SMPDL3B: variants seen among roughly 807,000 people sequenced by gnomAD.
SMPDL3B encodes sphingomyelin phosphodiesterase acid like 3B.
In SMPDL3B, 31 loss-of-function variants were observed where a neutral mutation model predicts 37.9. The observed-to-expected ratio is 0.82, with a 90% confidence interval of 0.61 to 1.10. The LOEUF is 1.10. Ranked by LOEUF, SMPDL3B falls within the 50% of genes least tolerant of loss-of-function variation. SMPDL3B has a pLI of 0.00. For synonymous variants in SMPDL3B, 235 were observed against 242.6 expected, an observed-to-expected ratio of 0.97 and a Z score of 0.29; for missense variants, 525 against 597.8, an observed-to-expected ratio of 0.88 and a Z score of 1.27.
intron 1 of SMPDL3B, among the ~76,000 whole-genome samples, chr1:27,941,883 G>C (rs1411429245): frequency 2.0e-5 from 3 of 152,160 alleles, no homozygotes; most frequent in Non-Finnish European, 2.9e-5. Context: ...TGGACCCCAA[G>C]GAGTTGGAGC....
At chr1:27,953,172 T>A (rs1306914449) in intron 3 of SMPDL3B, 43 bp from the exon 4 acceptor site, 2 of 1,537,834 alleles carry the variant, frequency 1.3e-6, no homozygotes, top group Admixed American at 3.6e-5. Context: ...CTCCCCCGAG[T>A]GCTTTTGCAT....
In SMPDL3B at chr1:27,956,109, A is replaced by C. The variant is rs200628077; in HGVS notation, c.1005+27A>C. 3.1e-6 allele frequency: 5 copies of C among 1,614,102 alleles called. No homozygotes were observed. In the East Asian group the frequency reaches 6.7e-5, roughly 22 times the overall value. ...TCAGGAGTCCTGCGGAGGCCAGAGG[A>C]GGAGGGTGGGAGGGGCTTAAATGCA... is the stretch of plus-strand genomic sequence containing the variant. On this transcript the variant is annotated intron_variant, in intron 7 of 7. Coordinates refer to ENST00000373894, the MANE Select transcript of SMPDL3B (RefSeq NM_014474.4).
intron 1 of SMPDL3B, among the ~76,000 whole-genome samples, chr1:27,941,013 C>G (rs140257336): frequency 3.9e-4 from 60 of 152,244 alleles, no homozygotes; most frequent in Admixed American, 7.8e-4. Flanking sequence ...CTCAGTGAGG[C>G]CTGGTGGCTT....
chr1:27,954,264 A>T (rs2090478829), intron 4 of SMPDL3B, 90 bp from the exon 5 acceptor site: 2 of 1,252,408 alleles, frequency 1.6e-6, no homozygotes, highest in Non-Finnish European at 2.2e-6. Context: ...GATGCAACGG[A>T]AAAAGAAAGT....
At position 27,954,339 on chromosome 1, in the gene SMPDL3B, C is replaced by T. The variant is rs1424219295; in HGVS notation, c.518-15C>T. 1.2e-6 allele frequency: 2 copies of T among 1,610,586 alleles called. No individual in the cohort carries two copies. The highest frequency in any genetic ancestry group is 8.5e-7 in the Non-Finnish European group (1 of 1,177,774). On this transcript the variant is annotated splice_polypyrimidine_tract_variant and intron_variant, in intron 4 of 7. Coordinates refer to ENST00000373894, the MANE Select transcript of SMPDL3B (RefSeq NM_014474.4). The stretch of plus-strand genomic sequence containing the variant: ...GAGGTGGGGGCCTCCTTCATATTGT[C>T]CCTGGCTGTGACAGGTGCCTTCTAC...
In SMPDL3B at chr1:27,945,564, G is replaced by A. The variant is rs2090400067; in HGVS notation, c.275+119G>A. On this transcript the variant is annotated intron_variant, in intron 2 of 7. Transcript: ENST00000373894. The surrounding 1 kb of genome is among the most constrained non-coding windows in gnomAD (Gnocchi z 4.0). ...CCTCACATCAGTCTCACGTGAGGCT[G>A]AGGAACCTAAAGCTCAAAGGAATTT... 2 of 836,628 alleles carry A rather than the reference G, an allele frequency of 2.4e-6. No individual in the cohort carries two copies. The highest frequency in any genetic ancestry group is 3.9e-6 in the Non-Finnish European group (2 of 513,360). 51.8% of individuals were successfully genotyped at this position (836,628 alleles called of 1,614,324 possible).
chr1:27,941,869 A>G (rs2090362264), intron 1 of SMPDL3B, among the ~76,000 whole-genome samples: 2 of 152,232 alleles, frequency 1.3e-5, no homozygotes, highest in South Asian at 4.1e-4. Context: ...CACAATGAGG[A>G]GGCTGGACCC....
At position 27,954,426 on chromosome 1, in the gene SMPDL3B, A is replaced by G. The variant is rs1557499253; in HGVS notation, c.590A>G (p.Tyr197Cys). ...ATTGTGGTCCTCAACACCAATCTGTACTATACCAGCAATGCGCTGACAGCA... is the reference window on the plus strand; with the variant it reads ...ATTGTGGTCCTCAACACCAATCTGTGCTATACCAGCAATGCGCTGACAGCA... ...GRIVVLNTNL[Y>C]YTSNALTADM... The change falls in exon 5 of 8, where the codon TAC becomes TGC. Residue 197 changes from tyrosine (Y) to cysteine (C), a missense_variant. Tyr to Cys is a radical substitution (Grantham distance 194). Transcript: ENST00000373894. 1.9e-6 allele frequency: 3 copies of G among 1,613,988 alleles called. No individual in the cohort carries two copies. The Admixed American group carries it at 5.0e-5, about 27-fold the overall frequency.
rs771119040 is a variant in SMPDL3B at position 27,954,383 on chromosome 1, C to T, written c.547C>T (p.Pro183Ser). 6.2e-7 allele frequency: 1 copy of T among 1,614,000 alleles called. No homozygotes were observed. Among genetic ancestry groups the T allele is most frequent in the South Asian group, 1.1e-5 (1 of 91,064 alleles). Reference sequence around the variant, plus strand: ...CTTCTACTGTGAGAAGCTGCCGGGTCCCAGCGGGGCTGGGCGAATTGTGGT... The same window carrying T: ...CTTCTACTGTGAGAAGCTGCCGGGTTCCAGCGGGGCTGGGCGAATTGTGGT... ...GAFYCEKLPGPSGAGRIVVLN... is the reference protein window; with the variant it reads ...GAFYCEKLPGSSGAGRIVVLN... The change falls in exon 5 of 8, where the codon CCC becomes TCC. Residue 183 changes from proline (P) to serine (S), a missense_variant. Coordinates refer to ENST00000373894, the MANE Select transcript of SMPDL3B (RefSeq NM_014474.4).
chr1:27,951,428 G>A (rs566118042), intron 3 of SMPDL3B, among the ~76,000 whole-genome samples: 6 of 152,312 alleles, frequency 3.9e-5, no homozygotes, highest in African/African-American at 1.2e-4. Context: ...GAGATTCAGG[G>A]TTCCACATCA....
chr1:27,953,140 G>A lies in SMPDL3B; in HGVS notation c.374-75G>A. 2.5e-6 allele frequency: 3 copies of A among 1,200,648 alleles called. No homozygotes were observed. The South Asian group carries it at 4.1e-5, about 16-fold the overall frequency. The allele number at this position is 1,200,648 out of a possible 1,614,324, so 74.4% of individuals were successfully genotyped here. The stretch of plus-strand genomic sequence containing the variant: ...TCTTCCCCTTGAGCTCTGATGGCCA[G>A]TGGCCAACAGAAAATGATTAACTCC... On this transcript the variant is annotated intron_variant, in intron 3 of 7. Transcript: ENST00000373894.
At position 27,945,268 on chromosome 1, in the gene SMPDL3B, C is replaced by G. The variant is rs1342849572; in HGVS notation, c.98C>G (p.Pro33Arg). The G allele has an allele frequency of 1.1e-5, 17 of 1,614,094 alleles. No individual in the cohort carries two copies. Among genetic ancestry groups the G allele is most frequent in the Middle Eastern group, 1.6e-4 (1 of 6,084 alleles). The change falls in exon 2 of 8, where the codon CCT becomes CGT. Residue 33 changes from proline (P) to arginine (R), a missense_variant. By Grantham distance (103) the Pro-to-Arg change is moderately radical (BLOSUM62 -2). Transcript: ENST00000373894. This position sits in a 1 kb window ranked among gnomAD's most constrained non-coding sequence, Gnocchi z 4.0. ...CACATCGCTGACCTGCACCTTGACC[C>G]TGACTACAAGGTATCCAAAGACCCC... ...FWHIADLHLD[P>R]DYKVSKDPFQ...
chr1:27,951,743 G>A (rs1444400057), intron 3 of SMPDL3B, among the ~76,000 whole-genome samples: 1 of 152,182 alleles, frequency 6.6e-6, no homozygotes, highest in African/African-American at 2.4e-5. Context: ...TAGCTACTTG[G>A]GAGGCTGAGA....
chr1:27,956,067 C>T lies in SMPDL3B; in HGVS notation c.990C>T (p.Ala330=). ...PAIRVFEYDR[A]TLSLKDMVTY... ...TCCGGGTGTTCGAATATGACCGAGC[C>T]ACACTGAGCCTGAAGGTCAGGAGTC... Residue 330 remains alanine (A), a synonymous_variant, in exon 7 of 8, where the codon GCC becomes GCT. Coordinates refer to ENST00000373894, the MANE Select transcript of SMPDL3B (RefSeq NM_014474.4). 1 of 1,614,138 alleles carries T rather than the reference C, an allele frequency of 6.2e-7. No individual in the cohort carries two copies. The highest frequency in any genetic ancestry group is 8.5e-7 in the Non-Finnish European group (1 of 1,180,020).
intron 1 of SMPDL3B, among the ~76,000 whole-genome samples, chr1:27,938,023 T>A (rs755715447): frequency 6.6e-6 from 1 of 152,222 alleles, no homozygotes; most frequent in Non-Finnish European, 1.5e-5. Context: ...TAAATGCCCC[T>A]TAATCTCCAG....
At position 27,947,508 on chromosome 1, in the gene SMPDL3B, C is replaced by T. The variant is rs116662871; in HGVS notation, c.276-1557C>T. Among the ~76,000 whole-genome samples, 773 of 147,578 alleles carry T rather than the reference C, an allele frequency of 5.2e-3. 4 individuals carry two copies. Among genetic ancestry groups the T allele is most frequent in the Non-Finnish European group, 8.9e-3 (599 of 67,538 alleles). On this transcript the variant is annotated intron_variant, in intron 2 of 7. Coordinates refer to ENST00000373894, the MANE Select transcript of SMPDL3B (RefSeq NM_014474.4). ...ATTAGAAATTAGGTATGTTTTACTA[C>T]TCAGGAGGCTGAGGCAGGAGAATCG...
Position 27,954,542 on chromosome 1 carries a change from T to G in SMPDL3B, c.690+16T>G. 2 of 1,611,628 alleles carry G rather than the reference T, an allele frequency of 1.2e-6. No individual in the cohort carries two copies. The highest frequency in any genetic ancestry group is 1.7e-6 in the Non-Finnish European group (2 of 1,178,452). ...TGGGGACATGGTAAGAGGCCCTGCT[T>G]CTTTCTTTTCTCATCTGGGGTTATT... On this transcript the variant is annotated intron_variant, in intron 5 of 7. Coordinates refer to ENST00000373894, the MANE Select transcript of SMPDL3B (RefSeq NM_014474.4).
chr1:27,947,315 C>T (rs184058422), intron 2 of SMPDL3B, among the ~76,000 whole-genome samples: 7 of 152,206 alleles, frequency 4.6e-5, no homozygotes, highest in Admixed American at 1.3e-4. Context: ...GGATTGCAGG[C>T]GTGAGCCACT....
intron 1 of SMPDL3B, among the ~76,000 whole-genome samples, chr1:27,942,808 C>T (rs767851325): frequency 6.6e-6 from 1 of 152,162 alleles, no homozygotes; most frequent in Non-Finnish European, 1.5e-5. Context: ...GGATTACAGG[C>T]GTGAGCCACT....
Sources: gnomAD v4.1 joint callset for allele counts (sites outside exome capture counted in the v4.1 genomes callset) on GRCh38, gnomAD v4.1.1 for gene constraint, Gnocchi (gnomAD v3.1) non-coding constraint, MANE v1.5 for transcripts, NCBI Gene and HGNC (gene_info 2026-07-23, HGNC 2026-07-21) for gene names.